ADAMTS16: variants seen among roughly 807,000 people sequenced by gnomAD.
ADAMTS16 encodes ADAM metallopeptidase with thrombospondin type 1 motif 16, also known as A disintegrin and metalloproteinase with thrombospondin motifs 16.
In ADAMTS16, 94 loss-of-function variants were observed where a neutral mutation model predicts 145.8. That is an observed-to-expected ratio of 0.64 (90% CI 0.55 to 0.77). The LOEUF is 0.77. Among genes scored for constraint, ADAMTS16 ranks in the 30% least tolerant of loss-of-function variants. The probability of loss-of-function intolerance (pLI) is 0.00; values close to 1 mark genes in which losing one functional copy is unlikely to be tolerated. For missense variants in ADAMTS16, 1,585 were observed against 1,591.5 expected, an observed-to-expected ratio of 1.00 and a Z score of 0.07; for synonymous variants, 659 against 604.3, an observed-to-expected ratio of 1.09 and a Z score of -1.33.
intron 17 of ADAMTS16, among the ~76,000 whole-genome samples, chr5:5,245,340 A>T (rs1302248803): frequency 6.6e-6 from 1 of 152,144 alleles, no homozygotes; most frequent in Non-Finnish European, 1.5e-5. Flanking sequence ...CAGTTTTTCA[A>T]TTTTGTGAGA....
chr5:5,318,996 G>A, intron 22 of ADAMTS16, 27 bp from the exon 23 acceptor site: 1 of 1,541,140 alleles, frequency 6.5e-7, no homozygotes, highest in Non-Finnish European at 8.9e-7. Flanking sequence ...CGGGATCGCT[G>A]AGTAATGCAG....
intron 14 of ADAMTS16, 139 bp from the exon 15 acceptor site, chr5:5,239,012 A>G: frequency 3.2e-6 from 3 of 925,780 alleles, no homozygotes; most frequent in Non-Finnish European, 4.5e-6. Context: ...TTAGGTATCC[A>G]ATAAATATTT....
At chr5:5,305,158 CACACAT>C (rs1740029347) in intron 20 of ADAMTS16, among the ~76,000 whole-genome samples, 2 of 68,172 alleles carry the variant, frequency 2.9e-5, no homozygotes, top group African/African-American at 5.0e-5. Flanking sequence ...ACCACACACA[CACACAT>C]ATCCCACACC....
At chr5:5,148,115 A>G (rs1734353522) in intron 3 of ADAMTS16, among the ~76,000 whole-genome samples, 1 of 101,404 alleles carries the variant, frequency 9.9e-6, no homozygotes, top group East Asian at 2.1e-4. Flanking sequence ...TTCTCTGGAT[A>G]ATAACAGTGG....
chr5:5,247,485 G>GT (rs1737483796), intron 17 of ADAMTS16, among the ~76,000 whole-genome samples: 2 of 152,058 alleles, frequency 1.3e-5, no homozygotes, highest in Admixed American at 1.3e-4. Flanking sequence ...ATTTCATCAA[G>GT]TGTGCTCAGA....
At chr5:5,186,301 G>A (rs1303261510) in intron 5 of ADAMTS16, 50 bp downstream of exon 5, 2 of 987,396 alleles carry the variant, frequency 2.0e-6, no homozygotes, top group Admixed American at 2.2e-5. Flanking sequence ...CACTTCGTAG[G>A]GTGTGTGTGT....
intron 3 of ADAMTS16, among the ~76,000 whole-genome samples, chr5:5,177,320 G>A (rs1735224967): frequency 6.6e-6 from 1 of 152,174 alleles, no homozygotes; most frequent in Non-Finnish European, 1.5e-5. Flanking sequence ...CAAGTTTAGA[G>A]CTGGGCAAAT....
intron 3 of ADAMTS16, among the ~76,000 whole-genome samples, chr5:5,147,435 G>A (rs1356101137): frequency 6.6e-6 from 1 of 152,302 alleles, no homozygotes; most frequent in South Asian, 2.1e-4. Context: ...AAGATTTTGT[G>A]TGTGTGAATT....
intron 9 of ADAMTS16, among the ~76,000 whole-genome samples, chr5:5,206,568 C>T (rs1391640522): frequency 6.6e-6 from 1 of 150,994 alleles, no homozygotes; most frequent in East Asian, 2.0e-4. Context: ...TGACCTCTGC[C>T]TTCCGGGTTC....
At chr5:5,229,098 AC>A (rs1327673444) in intron 11 of ADAMTS16, among the ~76,000 whole-genome samples, 2 of 151,856 alleles carry the variant, frequency 1.3e-5, no homozygotes, top group Non-Finnish European at 2.9e-5. Flanking sequence ...GGAGATCGAG[AC>A]CATCCTGGCT....
chr5:5,168,692 AT>A (rs1259498756), intron 3 of ADAMTS16, among the ~76,000 whole-genome samples: 1 of 17,378 alleles, frequency 5.8e-5, no homozygotes, highest in Admixed American at 1.2e-3. Flanking sequence ...ATATAATTAT[AT>A]AAATATAATA....
intron 13 of ADAMTS16, 151 bp from the exon 14 acceptor site, chr5:5,236,818 G>T (rs188988100): frequency 1.0e-6 from 1 of 974,332 alleles, no homozygotes; most frequent in Non-Finnish European, 1.4e-6. Flanking sequence ...AAAACATAAT[G>T]AGGCAACCAT....
chr5:5,261,672 G>C (rs1037418732), intron 17 of ADAMTS16, among the ~76,000 whole-genome samples: 1 of 152,090 alleles, frequency 6.6e-6, no homozygotes, highest in African/African-American at 2.4e-5. Flanking sequence ...TTTTAGTAGA[G>C]ACGGAGTTTC....
intron 18 of ADAMTS16, among the ~76,000 whole-genome samples, chr5:5,301,701 C>T (rs57953413): frequency 0.74 from 112,313 of 152,052 alleles, 41,907 homozygotes; most frequent in South Asian, 0.82. Context: ...TGTGGGGGCA[C>T]AGGATGGAGG....
intron 18 of ADAMTS16, among the ~76,000 whole-genome samples, chr5:5,263,184 C>T (rs537811871): frequency 1.3e-5 from 2 of 152,254 alleles, no homozygotes; most frequent in Admixed American, 6.5e-5. Context: ...GGGAAGGAAC[C>T]CTGGATTCCT....
At chr5:5,198,459 C>T (rs1029678958) in intron 8 of ADAMTS16, among the ~76,000 whole-genome samples, 2 of 152,144 alleles carry the variant, frequency 1.3e-5, no homozygotes, top group African/African-American at 4.8e-5. Flanking sequence ...ATACCGCCTT[C>T]AATCACGTTC....
At chr5:5,275,449 CAT>C (rs1237356514) in intron 18 of ADAMTS16, among the ~76,000 whole-genome samples, 7 of 152,000 alleles carry the variant, frequency 4.6e-5, no homozygotes, top group Non-Finnish European at 7.4e-5. Flanking sequence ...GATCAAATTC[CAT>C]AGTTATTTAT....
At chr5:5,145,896 A>G (rs1313090681) in intron 2 of ADAMTS16, among the ~76,000 whole-genome samples, 1 of 152,064 alleles carries the variant, frequency 6.6e-6, no homozygotes, top group East Asian at 1.9e-4. Context: ...CTGTTGGAGA[A>G]TTTCCTGGCT....
chr5:5,233,092 A>G (rs1465405525), intron 12 of ADAMTS16, among the ~76,000 whole-genome samples: 1 of 152,238 alleles, frequency 6.6e-6, no homozygotes, highest in Non-Finnish European at 1.5e-5. Flanking sequence ...AACCACATTT[A>G]CTTGACATAC....
Sources: gnomAD v4.1 joint callset for allele counts (sites outside exome capture counted in the v4.1 genomes callset) on GRCh38, gnomAD v4.1.1 for gene constraint, MANE v1.5 for transcripts, NCBI Gene and HGNC (gene_info 2026-07-23, HGNC 2026-07-21) for gene names.